ELAPOR2: variants seen among roughly 807,000 people sequenced by gnomAD.
The protein encoded by ELAPOR2 is endosome-lysosome associated apoptosis and autophagy regulator family member 2, also known as endosome/lysosome-associated apoptosis and autophagy regulator family member 2.
ELAPOR2 carries 89 observed loss-of-function variants against 120.7 expected under a neutral mutation model. The observed-to-expected ratio is 0.74, with a 90% CI of 0.62 to 0.88. The LOEUF (loss-of-function observed/expected upper bound fraction) is 0.88. ELAPOR2 is among the 40% of genes least tolerant of loss of function. The pLI is 0.00. For synonymous variants in ELAPOR2, 444 were observed against 444.9 expected, an observed-to-expected ratio of 1.00 and a Z score of 0.03; for missense variants, 1,134 against 1,251.6, an observed-to-expected ratio of 0.91 and a Z score of 1.42.
At chr7:86,957,397 T>G (rs1791519054) in intron 2 of ELAPOR2, among the ~76,000 whole-genome samples, 1 of 152,206 alleles carries the variant, frequency 6.6e-6, no homozygotes, top group Admixed American at 6.5e-5. Flanking sequence ...CAAAAGTTAC[T>G]CAATCTACAA....
rs74924903 is a variant in ELAPOR2, at chr7:86,880,168, T to A, written c.*303A>T. 3,856 of 349,674 alleles carry A rather than the reference T, an allele frequency of 0.011. 158 individuals are homozygous for A. Among genetic ancestry groups the A allele is most frequent in the African/African-American group, 0.077 (3,583 of 46,740 alleles). 21.7% of individuals were successfully genotyped at this position (349,674 alleles called of 1,614,324 possible). A position where few individuals can be genotyped will look rare whatever the true frequency, so the allele number is the denominator to read the frequency against. On this transcript the variant is annotated 3_prime_UTR_variant, in exon 22 of 22. Coordinates refer to ENST00000450689, the MANE Select transcript of ELAPOR2 (RefSeq NM_001142749.3). ...TTACCCATTAATTATATGGCATGCATCAGCAGTGCATTGGTGGGCTTAAAC... is the reference window on the plus strand; with the variant it reads ...TTACCCATTAATTATATGGCATGCAACAGCAGTGCATTGGTGGGCTTAAAC...
Position 86,940,026 on chromosome 7 carries a change from T to C in ELAPOR2, c.831A>G (p.Lys277=), listed in dbSNP as rs1562933841. 6.2e-7 allele frequency: 1 copy of C among 1,605,342 alleles called. No individual in the cohort carries two copies. The highest frequency in any genetic ancestry group is 2.2e-5 in the East Asian group (1 of 44,634). Residue 277 remains lysine, a synonymous_variant, in exon 6 of 22, where the codon AAA becomes AAG. Coordinates refer to ENST00000450689, the MANE Select transcript of ELAPOR2 (RefSeq NM_001142749.3). ...GSKAVKPVLV[K]NITIEGVAYT... ...ATGAAATACCTTCAATTGTGATATT[T>C]TTTACCAGCACAGGCTTGACCGCCT...
At chr7:86,956,923 A>G (rs1354682930) in intron 2 of ELAPOR2, among the ~76,000 whole-genome samples, 3 of 152,200 alleles carry the variant, frequency 2.0e-5, no homozygotes, top group Non-Finnish European at 4.4e-5. Context: ...GATTCTTATC[A>G]TCCTAAACTT....
chr7:86,922,765 T>C (rs1789886119), intron 10 of ELAPOR2, among the ~76,000 whole-genome samples: 1 of 151,920 alleles, frequency 6.6e-6, no homozygotes. Context: ...TACCTTTAAG[T>C]AACATAATAT....
chr7:86,938,775 G>T (rs374904062), intron 7 of ELAPOR2, 33 bp downstream of exon 7: 412 of 1,606,428 alleles, frequency 2.6e-4, no homozygotes, highest in Non-Finnish European at 3.4e-4. Context: ...CATACATTTA[G>T]AAAGAAAAAA....
At chr7:86,964,066 G>C (rs745525423) in intron 2 of ELAPOR2, among the ~76,000 whole-genome samples, 1 of 152,168 alleles carries the variant, frequency 6.6e-6, no homozygotes, top group Non-Finnish European at 1.5e-5. Context: ...AAAGAGATTA[G>C]TTATCCAGTT....
intron 10 of ELAPOR2, among the ~76,000 whole-genome samples, chr7:86,922,612 T>A (rs1243496920): frequency 6.6e-6 from 1 of 151,940 alleles, no homozygotes; most frequent in African/African-American, 2.4e-5. Context: ...AGCACTTTTA[T>A]AAATACTTCA....
intron 18 of ELAPOR2, 51 bp from the exon 19 acceptor site, chr7:86,897,683 A>T (rs1788510034): frequency 6.2e-7 from 1 of 1,606,230 alleles, no homozygotes; most frequent in Non-Finnish European, 8.5e-7. Flanking sequence ...TTTTTAACCC[A>T]TTCAATCCAC....
chr7:86,954,787 TCA>T (rs1791403866), intron 2 of ELAPOR2, among the ~76,000 whole-genome samples: 1 of 152,088 alleles, frequency 6.6e-6, no homozygotes, highest in African/African-American at 2.4e-5. Context: ...AATTCCAGGA[TCA>T]AGACAAGCCC....
chr7:86,961,468 T>C (rs1357879976), intron 2 of ELAPOR2, among the ~76,000 whole-genome samples: 1 of 152,336 alleles, frequency 6.6e-6, no homozygotes, highest in South Asian at 2.1e-4. Flanking sequence ...CTGAAAAATA[T>C]GTAAAGGAAC....
At chr7:86,905,025 G>C (rs1369647488) in intron 18 of ELAPOR2, among the ~76,000 whole-genome samples, 1 of 150,644 alleles carries the variant, frequency 6.6e-6, no homozygotes, top group Non-Finnish European at 1.5e-5. Flanking sequence ...AAGAATGAAT[G>C]AATGAATGGA....
chr7:86,905,119 G>GAAGGAAGGAAGGAAGA, intron 18 of ELAPOR2, among the ~76,000 whole-genome samples: 1 of 146,320 alleles, frequency 6.8e-6, no homozygotes, highest in Admixed American at 6.9e-5. Flanking sequence ...AGGAAGGAAG[G>GAAGGAAGGAAGGAAGA]AAGGAAGGAA....
rs188169088 is a variant in ELAPOR2 at position 87,057,637 on chromosome 7, T to C, written c.189+1688A>G. 1.6e-3 allele frequency among the ~76,000 whole-genome samples: 243 copies of C among 152,334 alleles called. 2 individuals carry two copies. The highest frequency in any genetic ancestry group is 5.5e-3 in the African/African-American group (230 of 41,580). On this transcript the variant is annotated intron_variant, in intron 1 of 21. Transcript: ENST00000450689. ...TGTGATCAAGTGAACCCAGCCTTCC[T>C]GAACCTTCTGTCATCTCTCTGCCCC...
chr7:86,899,556 C>G (rs1234703638), intron 18 of ELAPOR2, among the ~76,000 whole-genome samples: 2 of 152,054 alleles, frequency 1.3e-5, no homozygotes, highest in Admixed American at 6.6e-5. Flanking sequence ...CTATAATATT[C>G]AGTCTAACAG....
At chr7:86,961,242 T>C (rs1791694663) in intron 2 of ELAPOR2, among the ~76,000 whole-genome samples, 1 of 152,158 alleles carries the variant, frequency 6.6e-6, no homozygotes, top group Non-Finnish European at 1.5e-5. Flanking sequence ...AAAGATATCT[T>C]AATCATCTTC....
intron 4 of ELAPOR2, among the ~76,000 whole-genome samples, chr7:86,944,156 C>A (rs1790908040): frequency 6.6e-6 from 1 of 152,054 alleles, no homozygotes; most frequent in African/African-American, 2.4e-5. Flanking sequence ...TCTATAAGCA[C>A]AACACACACT....
intron 1 of ELAPOR2, among the ~76,000 whole-genome samples, chr7:87,040,041 T>C (rs1389969562): frequency 1.3e-5 from 2 of 151,830 alleles, no homozygotes; most frequent in Admixed American, 6.6e-5. Flanking sequence ...TCACTCCCAC[T>C]CGAATACTGC....
intron 19 of ELAPOR2, among the ~76,000 whole-genome samples, chr7:86,894,854 C>A (rs1347461141): frequency 6.6e-6 from 1 of 152,014 alleles, no homozygotes; most frequent in African/African-American, 2.4e-5. Context: ...TTTAGTGCTG[C>A]ATGACATATA....
At chr7:86,958,859 A>AT (rs1267745721) in intron 2 of ELAPOR2, among the ~76,000 whole-genome samples, 1 of 152,022 alleles carries the variant, frequency 6.6e-6, no homozygotes, top group Non-Finnish European at 1.5e-5. Flanking sequence ...TTTTTTTTCC[A>AT]TTTCTAGAGA....
Sources: allele counts gnomAD v4.1 joint callset (sites outside exome capture counted in the v4.1 genomes callset), GRCh38; gene constraint gnomAD v4.1.1; transcripts MANE v1.5; gene names NCBI Gene and HGNC (gene_info 2026-07-23, HGNC 2026-07-21).